Variants in MAGI2 observed in about 807,000 individuals in gnomAD.
The protein encoded by MAGI2 is membrane-associated guanylate kinase, WW and PDZ domain-containing protein 2.
MAGI2 carries 35 observed loss-of-function variants against 133.3 expected under a neutral mutation model. The observed-to-expected ratio is 0.26, with a 90% confidence interval of 0.20 to 0.35. MAGI2 has a LOEUF of 0.35. MAGI2 is among the 10% of genes least tolerant of loss of function. The probability of loss-of-function intolerance (pLI) is 1.00; values close to 1 mark genes in which losing one functional copy is unlikely to be tolerated. For missense variants in MAGI2, 1,636 were observed against 1,863.4 expected (o/e 0.88, Z 2.25); for synonymous variants, 729 against 710.6 (o/e 1.03, Z -0.41).
intron 3 of MAGI2, chr7:78,618,104 A>C (rs1220445038): frequency 6.6e-6 from 1 of 152,080 alleles, no homozygotes. Flanking sequence ...TCATCACATT[A>C]GGGCACCATT....
In MAGI2 at chr7:78,019,974, C is replaced by T. The variant is rs1185333849; in HGVS notation, c.3709G>A (p.Glu1237Lys). The change falls in exon 22 of 22, where the codon GAA becomes AAA. Residue 1237 changes from glutamate to lysine, a missense_variant and splice_region_variant. Coordinates refer to ENST00000354212, the MANE Select transcript of MAGI2 (RefSeq NM_012301.4). ...GCGGGAGAACTCCAGGGGGCGGGTT[C>T]GTCTGTGGACGGGAAGCACAGGCGT... Reference protein sequence around the residue: ...RGTGQVPEYDEPAPWSSPAAA... With the variant: ...RGTGQVPEYDKPAPWSSPAAA... The T allele has an allele frequency of 2.5e-6, 4 of 1,602,014 alleles. No individual in the cohort carries two copies. Among genetic ancestry groups the T allele is most frequent in the Admixed American group, 1.7e-5 (1 of 58,216 alleles).
intron 2 of MAGI2, among the ~76,000 whole-genome samples, chr7:78,970,336 G>A (rs2115963886): frequency 6.6e-6 from 1 of 152,040 alleles, no homozygotes; most frequent in Middle Eastern, 3.4e-3. Flanking sequence ...AGAGATATTT[G>A]TTGAGATTCC....
intron 1 of MAGI2, among the ~76,000 whole-genome samples, chr7:79,395,341 G>A (rs1449287685): frequency 1.3e-5 from 2 of 152,198 alleles, no homozygotes; most frequent in Non-Finnish European, 2.9e-5. Context: ...AATTATAACA[G>A]AAAATGTGTT....
chr7:79,092,198 TTAATC>T (rs1413713037), intron 1 of MAGI2, among the ~76,000 whole-genome samples: 4 of 152,166 alleles, frequency 2.6e-5, no homozygotes. Flanking sequence ...AGCTAAGCGT[TTAATC>T]TAATAATGCA....
intron 2 of MAGI2, among the ~76,000 whole-genome samples, chr7:78,694,018 A>T (rs75117571): frequency 6.6e-6 from 1 of 152,112 alleles, no homozygotes; most frequent in Non-Finnish European, 1.5e-5. Flanking sequence ...AGCTTTGGAA[A>T]CAGACAGATT....
intron 5 of MAGI2, 111 bp from the exon 6 acceptor site, chr7:78,489,951 A>T (rs917840567): frequency 5.4e-6 from 4 of 743,114 alleles, no homozygotes; most frequent in African/African-American, 5.3e-5. Context: ...CGATACACTT[A>T]ATTTGCTTAC....
At chr7:78,140,416 T>C (rs1822627525) in intron 16 of MAGI2, among the ~76,000 whole-genome samples, 1 of 152,206 alleles carries the variant, frequency 6.6e-6, no homozygotes, top group Non-Finnish European at 1.5e-5. Context: ...GTGGAGAAAG[T>C]ATTAAAAAGG....
intron 13 of MAGI2, 100 bp downstream of exon 13, chr7:78,185,529 C>A: frequency 2.2e-6 from 2 of 911,616 alleles, no homozygotes; most frequent in Non-Finnish European, 3.3e-6. Context: ...AGTAGCACAG[C>A]GATTATATAC....
chr7:79,445,469 GA>G (rs1370411835), intron 1 of MAGI2, among the ~76,000 whole-genome samples: 2 of 151,864 alleles, frequency 1.3e-5, no homozygotes, highest in East Asian at 3.9e-4. Flanking sequence ...AAATTTACAA[GA>G]AAAAAACAAA....
intron 1 of MAGI2, among the ~76,000 whole-genome samples, chr7:79,333,045 T>G (rs1840201076): frequency 6.6e-6 from 1 of 152,172 alleles, no homozygotes. Context: ...TCTCATCCAG[T>G]CCCACTACTG....
chr7:79,302,763 G>T (rs1183736324), intron 1 of MAGI2, among the ~76,000 whole-genome samples: 2 of 152,314 alleles, frequency 1.3e-5, no homozygotes, highest in East Asian at 3.9e-4. Context: ...TTTCAGAATA[G>T]TGCTTGACAA....
chr7:78,777,751 G>A (rs548494080), intron 2 of MAGI2, among the ~76,000 whole-genome samples: 24 of 152,234 alleles, frequency 1.6e-4, no homozygotes, highest in Non-Finnish European at 2.6e-4. Context: ...ATAATGGGCC[G>A]AGTGAAAGTA....
intron 2 of MAGI2, among the ~76,000 whole-genome samples, chr7:78,727,916 G>A (rs1460297361): frequency 6.6e-6 from 1 of 152,182 alleles, no homozygotes; most frequent in African/African-American, 2.4e-5. Flanking sequence ...ATTGTCTAGT[G>A]ACTGAGAGTA....
chr7:78,998,235 A>G (rs1806502658), intron 2 of MAGI2, among the ~76,000 whole-genome samples: 1 of 152,194 alleles, frequency 6.6e-6, no homozygotes, highest in Non-Finnish European at 1.5e-5. Context: ...TGTATTTGAT[A>G]TATCTTCAGT....
At chr7:78,540,509 G>T (rs974865186) in intron 3 of MAGI2, among the ~76,000 whole-genome samples, 4 of 152,152 alleles carry the variant, frequency 2.6e-5, no homozygotes, top group African/African-American at 9.6e-5. Context: ...CAAGCCTCTG[G>T]ACTGAGAGAG....
rs552893637 is a variant in MAGI2 at position 78,633,363 on chromosome 7, A to G, written c.419-6124T>C. ...AAACCCTCATGACATGAGTTTACCTATGTCACAAATCTTCACATGTATCCC... is the reference window on the plus strand; with the variant it reads ...AAACCCTCATGACATGAGTTTACCTGTGTCACAAATCTTCACATGTATCCC... On this transcript the variant is annotated intron_variant, in intron 2 of 21. Coordinates refer to ENST00000354212, the MANE Select transcript of MAGI2 (RefSeq NM_012301.4). 2.6e-5 allele frequency among the ~76,000 whole-genome samples: 4 copies of G among 152,262 alleles called. No homozygotes were observed. The East Asian group carries it at 5.8e-4, about 22-fold the overall frequency.
chr7:79,279,562 G>T lies in MAGI2; in HGVS notation c.301+173458C>A, dbSNP rs117503417. On this transcript the variant is annotated intron_variant, in intron 1 of 21. Coordinates refer to ENST00000354212, the MANE Select transcript of MAGI2 (RefSeq NM_012301.4). ...CTCACGCCTGTAATCCCAGCACTTT[G>T]AAAGGCCCAAGTGGGAGAATCACTT... 3.8e-3 allele frequency among the ~76,000 whole-genome samples: 575 copies of T among 152,244 alleles called. 4 individuals are homozygous for T. The highest frequency in any genetic ancestry group is 6.5e-3 in the Non-Finnish European group (441 of 68,022).
chr7:79,276,963 AAAT>A (rs990900235), intron 1 of MAGI2, among the ~76,000 whole-genome samples: 2 of 151,390 alleles, frequency 1.3e-5, no homozygotes, highest in African/African-American at 2.4e-5. Flanking sequence ...ACTCTGTCTA[AAAT>A]AATAATAATA....
intron 2 of MAGI2, among the ~76,000 whole-genome samples, chr7:78,686,745 G>C (rs929148487): frequency 6.6e-6 from 1 of 152,044 alleles, no homozygotes; most frequent in East Asian, 1.9e-4. Flanking sequence ...GACAGCCTAC[G>C]GGAGGACTAT....
Sources: gnomAD v4.1 joint callset for allele counts (sites outside exome capture counted in the v4.1 genomes callset) on GRCh38, gnomAD v4.1.1 for gene constraint, MANE v1.5 for transcripts, NCBI Gene and HGNC (gene_info 2026-07-23, HGNC 2026-07-21) for gene names.